Variants in STK24 observed in about 807,000 individuals in gnomAD.
The protein encoded by STK24 is serine/threonine kinase 24, also known as serine/threonine-protein kinase 24.
In STK24, 21 loss-of-function variants were observed where a neutral mutation model predicts 55.6. That is an observed-to-expected ratio of 0.38 (90% CI 0.27 to 0.54). STK24 has a LOEUF of 0.54. Ranked by LOEUF, STK24 falls within the 20% of genes least tolerant of loss-of-function variation. The pLI, the probability that STK24 is intolerant of heterozygous loss-of-function variation, is 0.79. For synonymous variants in STK24, 200 were observed against 215.2 expected (o/e 0.93, Z 0.62); for missense variants, 383 against 538.4 (o/e 0.71, Z 2.86).
chr13:98,561,821 A>G (rs1466884338), intron 1 of STK24, among the ~76,000 whole-genome samples: 1 of 151,736 alleles, frequency 6.6e-6, no homozygotes, highest in African/African-American at 2.4e-5. Flanking sequence ...TACTAAAAAT[A>G]CAAAAATTAG....
In STK24 at chr13:98,447,815, AG is replaced by A. The variant is rs903393846; in HGVS notation, c.*5357del. ...GGCGATAACTGCACCACTGAACTCC[AG>A]TATGAGTGACAGAGCCAGACCCTGT... On this transcript the variant is annotated 3_prime_UTR_variant, in exon 11 of 11. Transcript: ENST00000539966. 2.3e-5 allele frequency: 4 copies of A among 177,592 alleles called. No individual in the cohort carries two copies. Among genetic ancestry groups the A allele is most frequent in the African/African-American group, 9.6e-5 (4 of 41,742 alleles). The allele number at this position is 177,592 out of a possible 1,614,324, so 11.0% of individuals were successfully genotyped here.
At chr13:98,549,288 G>T (rs1293596580) in intron 1 of STK24, among the ~76,000 whole-genome samples, 5 of 152,180 alleles carry the variant, frequency 3.3e-5, no homozygotes, top group African/African-American at 1.2e-4. Context: ...CAAGGTCAAG[G>T]CACTGGCAGA....
At chr13:98,494,369 GCAC>G (rs2139330156) in intron 2 of STK24, among the ~76,000 whole-genome samples, 1 of 127,330 alleles carries the variant, frequency 7.9e-6, no homozygotes, top group South Asian at 2.5e-4. Context: ...AGCCGAGATT[GCAC>G]CACTGCACTC....
intron 1 of STK24, among the ~76,000 whole-genome samples, chr13:98,530,537 G>C (rs1189142790): frequency 1.3e-5 from 2 of 152,180 alleles, no homozygotes; most frequent in Non-Finnish European, 2.9e-5. Flanking sequence ...TTCAGGCACA[G>C]AGCCTGAACA....
chr13:98,463,780 T>C lies in STK24; in HGVS notation c.840A>G (p.Lys280=), dbSNP rs1893814889. 6.2e-7 allele frequency: 1 copy of C among 1,614,190 alleles called. No individual in the cohort carries two copies. Among genetic ancestry groups the C allele is most frequent in the Admixed American group, 1.7e-5 (1 of 60,030 alleles). Reference sequence around the variant, plus strand: ...CGATGAGCTCGGTCAAGTAGGAAGTTTTCTTTGCATTGCGTAGTATAAACT... The same window carrying C: ...CGATGAGCTCGGTCAAGTAGGAAGTCTTCTTTGCATTGCGTAGTATAAACT... ...KHKFILRNAK[K]TSYLTELIDR... Residue 280 remains lysine, a synonymous_variant, in exon 7 of 11, where the codon AAA becomes AAG. Transcript: ENST00000539966.
At position 98,559,835 on chromosome 13, in the gene STK24, A is replaced by G. The variant is rs28647639; in HGVS notation, c.42+16910T>C. On this transcript the variant is annotated intron_variant, in intron 1 of 10. Transcript: ENST00000539966. The stretch of plus-strand genomic sequence containing the variant: ...CAGGAGCACTAACTTCTCATATCTC[A>G]TATCACTGAAAGGAAAAAAAAAAAA... Among the ~76,000 whole-genome samples, 9 of 151,402 alleles carry G rather than the reference A, an allele frequency of 5.9e-5. No homozygotes were observed. In the East Asian group the frequency reaches 9.7e-4, roughly 16 times the overall value.
In STK24 at chr13:98,453,213, G is replaced by C. The variant is rs571007718; in HGVS notation, c.1260-4C>G. On this transcript the variant is annotated splice_region_variant and splice_polypyrimidine_tract_variant and intron_variant, in intron 10 of 10. Transcript: ENST00000539966. ...TCCTCCACCACTTAGAGAGTATCTAGGGAAAAAGAGAGAGAGAGAAGTCAA... is the reference window on the plus strand; with the variant it reads ...TCCTCCACCACTTAGAGAGTATCTACGGAAAAAGAGAGAGAGAGAAGTCAA... The C allele has an allele frequency of 4.3e-6, 7 of 1,612,680 alleles. No homozygotes were observed. Among genetic ancestry groups the C allele is most frequent in the African/African-American group, 1.3e-5 (1 of 74,964 alleles).
At chr13:98,484,527 T>C (rs1268469293) in intron 2 of STK24, among the ~76,000 whole-genome samples, 1 of 152,152 alleles carries the variant, frequency 6.6e-6, no homozygotes, top group East Asian at 1.9e-4. Flanking sequence ...CTTAGGGGAC[T>C]GAGGGTCACC....
intron 2 of STK24, among the ~76,000 whole-genome samples, chr13:98,503,594 GGGAGACGTGGAAA>G (rs2139350383): frequency 6.6e-6 from 1 of 152,326 alleles, no homozygotes; most frequent in South Asian, 2.1e-4. Flanking sequence ...GCACGCCAGT[GGGAGACGTGGAAA>G]GGAGAAGCAC....
chr13:98,549,393 T>C (rs1360621572), intron 1 of STK24, among the ~76,000 whole-genome samples: 2 of 152,192 alleles, frequency 1.3e-5, no homozygotes, highest in Non-Finnish European at 2.9e-5. Flanking sequence ...CGGACCTCTT[T>C]TGTGAGGGCA....
intron 1 of STK24, among the ~76,000 whole-genome samples, chr13:98,565,241 C>T (rs527521755): frequency 2.0e-5 from 3 of 152,112 alleles, no homozygotes; most frequent in Non-Finnish European, 2.9e-5. Context: ...AAACTCCCTC[C>T]GAGACGCCCA....
At chr13:98,474,245 G>C (rs1272672085) in intron 5 of STK24, among the ~76,000 whole-genome samples, 1 of 152,156 alleles carries the variant, frequency 6.6e-6, no homozygotes, top group Non-Finnish European at 1.5e-5. Context: ...GGAAGAAAGG[G>C]TTAGGGTTTC....
intron 2 of STK24, among the ~76,000 whole-genome samples, chr13:98,506,101 C>T (rs1371504976): frequency 1.3e-5 from 2 of 152,128 alleles, no homozygotes; most frequent in Non-Finnish European, 2.9e-5. Flanking sequence ...AAGGACTCGC[C>T]AAAACACCAA....
intron 2 of STK24, among the ~76,000 whole-genome samples, chr13:98,491,133 G>A (rs1218066526): frequency 6.6e-6 from 1 of 152,122 alleles, no homozygotes; most frequent in Non-Finnish European, 1.5e-5. Flanking sequence ...ACGTTCCCGT[G>A]AGCTGGGGGT....
Position 98,449,709 on chromosome 13 carries a change from C to G in STK24, c.*3464G>C, listed in dbSNP as rs1893094156. 6.7e-6 allele frequency: 1 copy of G among 149,534 alleles called. No individual in the cohort carries two copies. The highest frequency in any genetic ancestry group is 1.5e-5 in the Non-Finnish European group (1 of 67,706). 9.3% of individuals were successfully genotyped at this position (149,534 alleles called of 1,614,324 possible). A position where few individuals can be genotyped will look rare whatever the true frequency, so the allele number is the denominator to read the frequency against. ...TGTACCAGACGGTTTCCAGTACTAA[C>G]AAAGGGAATAAAAATACCTCACGCC... On this transcript the variant is annotated 3_prime_UTR_variant, in exon 11 of 11. Transcript: ENST00000539966.
intron 1 of STK24, among the ~76,000 whole-genome samples, chr13:98,545,745 T>C (rs1314242518): frequency 6.6e-6 from 1 of 151,686 alleles, no homozygotes; most frequent in Non-Finnish European, 1.5e-5. Flanking sequence ...CCTAAATCAA[T>C]ATGGATAATA....
intron 2 of STK24, among the ~76,000 whole-genome samples, chr13:98,500,133 A>C (rs1895395653): frequency 6.6e-6 from 1 of 152,214 alleles, no homozygotes; most frequent in Non-Finnish European, 1.5e-5. Context: ...AAACCATTTA[A>C]AACATTAATA....
intron 1 of STK24, among the ~76,000 whole-genome samples, chr13:98,569,261 G>A (rs577949281): frequency 4.9e-4 from 74 of 152,072 alleles, no homozygotes; most frequent in Non-Finnish European, 8.7e-4. Flanking sequence ...TGTCCACCCT[G>A]CAATTTTACA....
At chr13:98,516,451 C>T (rs1270047025) in intron 2 of STK24, among the ~76,000 whole-genome samples, 1 of 152,210 alleles carries the variant, frequency 6.6e-6, no homozygotes, top group Non-Finnish European at 1.5e-5. Flanking sequence ...GATGAAGTGA[C>T]TTTGAAAAGG....
Sources: allele counts gnomAD v4.1 joint callset (sites outside exome capture counted in the v4.1 genomes callset), GRCh38; gene constraint gnomAD v4.1.1; transcripts MANE v1.5; gene names NCBI Gene and HGNC (gene_info 2026-07-23, HGNC 2026-07-21).